The following TMCO5A variants were observed in gnomAD, a reference collection of about 807,000 sequenced individuals.
TMCO5A encodes the protein transmembrane and coiled-coil domain-containing protein 5A.
In TMCO5A, 34 loss-of-function variants were observed where a neutral mutation model predicts 42.3. The ratio of observed to expected loss-of-function variants is 0.80; its 90% confidence interval spans 0.61 to 1.07. The LOEUF is 1.07. TMCO5A is among the 50% of genes least tolerant of loss of function. The pLI is 0.00. For missense variants in TMCO5A, 357 were observed against 327.9 expected (o/e 1.09, Z -0.69); for synonymous variants, 131 against 115.6 (o/e 1.13, Z -0.86).
Position 37,936,399 on chromosome 15 carries a change from A to C in TMCO5A, c.76A>C (p.Arg26=). 6.2e-7 allele frequency: 1 copy of C among 1,613,212 alleles called. No individual in the cohort carries two copies. The highest frequency in any genetic ancestry group is 8.5e-7 in the Non-Finnish European group (1 of 1,179,422). The change falls in exon 3 of 12, where the codon AGA becomes CGA. Residue 26 remains arginine (R), a synonymous_variant. Transcript: ENST00000319669. ...CATGGACCTTGAAAGGGATACGCAG[A>C]GAATAGATGAAGCAAATCAGAAACT... ...LNMDLERDTQ[R]IDEANQKLLL...
intron 11 of TMCO5A, among the ~76,000 whole-genome samples, chr15:37,962,062 C>G (rs1392381670): frequency 6.6e-6 from 1 of 152,062 alleles, no homozygotes; most frequent in East Asian, 1.9e-4. Context: ...CTGGCTAAGA[C>G]TTACAGTACT....
At chr15:37,991,099 A>C in the TMCO5A span, among the ~76,000 whole-genome samples, 1 of 152,140 alleles carries the variant, frequency 6.6e-6, no homozygotes, top group Admixed American at 6.5e-5. Flanking sequence ...TAGTCTCTTA[A>C]ATCATGTAGA....
downstream of TMCO5A, among the ~76,000 whole-genome samples, chr15:37,952,179 T>G (rs1317337624): frequency 6.6e-6 from 1 of 152,052 alleles, no homozygotes; most frequent in Non-Finnish European, 1.5e-5. Flanking sequence ...AATTCCTAGG[T>G]GAGTCCTAGT....
chr15:38,003,222 GTCTCTCTC>G, the TMCO5A span, among the ~76,000 whole-genome samples: 8 of 147,156 alleles, frequency 5.4e-5, no homozygotes, highest in Non-Finnish European at 1.0e-4. Flanking sequence ...CCCAAACAGA[GTCTCTCTC>G]TCTCTCTCTC....
chr15:37,953,394 G>C (rs1179479290), downstream of TMCO5A, among the ~76,000 whole-genome samples: 1 of 152,040 alleles, frequency 6.6e-6, no homozygotes, highest in Non-Finnish European at 1.5e-5. Context: ...CATTTGGGGG[G>C]AAGTAAGGAA....
At chr15:37,964,988 G>A (rs1890522846) in intron 11 of TMCO5A, among the ~76,000 whole-genome samples, 1 of 152,194 alleles carries the variant, frequency 6.6e-6, no homozygotes, top group African/African-American at 2.4e-5. Flanking sequence ...AAAACAGGAG[G>A]AATCACATTA....
the TMCO5A span, among the ~76,000 whole-genome samples, chr15:37,984,565 A>G: frequency 6.6e-5 from 10 of 151,838 alleles, no homozygotes; most frequent in African/African-American, 2.4e-4. Context: ...GTTTGAATGC[A>G]TGTGTACTTT....
intron 11 of TMCO5A, among the ~76,000 whole-genome samples, chr15:37,964,610 G>A (rs1244957555): frequency 6.6e-6 from 1 of 151,776 alleles, no homozygotes; most frequent in Non-Finnish European, 1.5e-5. Flanking sequence ...AATCAGTAGT[G>A]TTTCTATATG....
At chr15:37,952,647 A>G (rs1042684044), downstream of TMCO5A, among the ~76,000 whole-genome samples, 3 of 152,192 alleles carry the variant, frequency 2.0e-5, no homozygotes, top group East Asian at 1.9e-4. Flanking sequence ...AGTCCCAGCT[A>G]TTGTGGCTAT....
At chr15:38,003,128 G>A in the TMCO5A span, among the ~76,000 whole-genome samples, 3 of 152,228 alleles carry the variant, frequency 2.0e-5, no homozygotes, top group Non-Finnish European at 2.9e-5. Context: ...GCTTGTAGAG[G>A]TACTTCCTTG....
the TMCO5A span, chr15:38,040,770 A>G: frequency 6.6e-6 from 1 of 152,234 alleles, no homozygotes; most frequent in Non-Finnish European, 1.5e-5. Context: ...CTGGAAGTAG[A>G]ACAGGGATTG....
chr15:37,991,805 T>C, the TMCO5A span, among the ~76,000 whole-genome samples: 1 of 152,212 alleles, frequency 6.6e-6, no homozygotes, highest in Non-Finnish European at 1.5e-5. Context: ...GCTAGCCATA[T>C]GCAGAAGATT....
chr15:37,988,594 A>G, the TMCO5A span, among the ~76,000 whole-genome samples: 2 of 152,012 alleles, frequency 1.3e-5, no homozygotes, highest in Admixed American at 1.3e-4. Flanking sequence ...CCCTTTCTGC[A>G]TCAATTGAGA....
rs1595592026 is a variant in TMCO5A, at chr15:37,943,565, G to A, written c.627+167G>A. The A allele has an allele frequency of 8.4e-6, 5 of 594,790 alleles. No individual in the cohort carries two copies. In the East Asian group the frequency reaches 1.4e-4, roughly 17 times the overall value. 36.8% of individuals were successfully genotyped at this position (594,790 alleles called of 1,614,324 possible). A position where few individuals can be genotyped will look rare whatever the true frequency, so the allele number is the denominator to read the frequency against. On this transcript the variant is annotated intron_variant, in intron 10 of 11. Transcript: ENST00000319669. ...ATTCCAACCCTAAACAAACAAACTA[G>A]ACTCTAAGGAACAATCTACTTTCTT...
the TMCO5A span, among the ~76,000 whole-genome samples, chr15:37,975,772 T>G: frequency 7.4e-6 from 1 of 135,936 alleles, no homozygotes; most frequent in Non-Finnish European, 1.5e-5. Flanking sequence ...GGTTTGATTT[T>G]AGCTTGTTAT....
the TMCO5A span, among the ~76,000 whole-genome samples, chr15:37,999,577 A>T: frequency 6.6e-6 from 1 of 152,186 alleles, no homozygotes; most frequent in South Asian, 2.1e-4. Flanking sequence ...TTGAATAACA[A>T]TAGTGAAAGT....
chr15:38,003,187 C>T, the TMCO5A span, among the ~76,000 whole-genome samples: 1 of 150,782 alleles, frequency 6.6e-6, no homozygotes. Context: ...CCAGCAGAGA[C>T]CCTTGTTCTC....
At chr15:37,962,929 CTT>C (rs922186278) in intron 11 of TMCO5A, among the ~76,000 whole-genome samples, 2 of 151,944 alleles carry the variant, frequency 1.3e-5, no homozygotes, top group Middle Eastern at 3.2e-3. Flanking sequence ...GATTTTCTCT[CTT>C]GTTTTCTTTA....
intron 5 of TMCO5A, among the ~76,000 whole-genome samples, chr15:37,937,896 G>T (rs1057246155): frequency 2.0e-5 from 3 of 152,066 alleles, no homozygotes; most frequent in African/African-American, 7.2e-5. Context: ...ACTGTAGGGG[G>T]CTGTATCCTT....
Sources: allele counts gnomAD v4.1 joint callset (sites outside exome capture counted in the v4.1 genomes callset), GRCh38; gene constraint gnomAD v4.1.1; transcripts MANE v1.5; gene names NCBI Gene and HGNC (gene_info 2026-07-23, HGNC 2026-07-21).